Variants in GANC observed in about 807,000 individuals in gnomAD.
GANC encodes glucosidase alpha, neutral C, also known as neutral alpha-glucosidase C.
GANC carries 117 observed loss-of-function variants against 124.2 expected under a neutral mutation model. The observed-to-expected ratio is 0.94, with a 90% CI of 0.81 to 1.10. The LOEUF (loss-of-function observed/expected upper bound fraction) is 1.10. Among genes scored for constraint, GANC ranks in the 50% least tolerant of loss-of-function variants. The probability of loss-of-function intolerance (pLI) is 0.00; values close to 1 mark genes in which losing one functional copy is unlikely to be tolerated. For missense variants in GANC, 1,140 were observed against 1,095.0 expected (o/e 1.04, Z -0.58); for synonymous variants, 377 against 376.8 (o/e 1.00, Z -0.01).
intron 4 of GANC, among the ~76,000 whole-genome samples, chr15:42,291,402 A>G (rs1366188752): frequency 2.6e-5 from 4 of 152,182 alleles, no homozygotes; most frequent in Admixed American, 1.3e-4. Flanking sequence ...ATTCCTTGGC[A>G]TGGTGTAGAG....
chr15:42,343,346 A>C (rs2052341414), intron 19 of GANC, 192 bp downstream of exon 19: 2 of 569,484 alleles, frequency 3.5e-6, no homozygotes, highest in Non-Finnish European at 6.3e-6. Flanking sequence ...AGGGAGAAAG[A>C]TGAATTGGTG....
At chr15:42,317,212 A>G (rs1329765495) in intron 10 of GANC, among the ~76,000 whole-genome samples, 1 of 152,256 alleles carries the variant, frequency 6.6e-6, no homozygotes, top group Non-Finnish European at 1.5e-5. Context: ...TGGTATATAC[A>G]TGTAACAGAA....
At chr15:42,325,546 G>T (rs2052192215) in intron 11 of GANC, among the ~76,000 whole-genome samples, 1 of 152,116 alleles carries the variant, frequency 6.6e-6, no homozygotes, top group African/African-American at 2.4e-5. Flanking sequence ...TTTTTAACAT[G>T]TTATTCTCTT....
chr15:42,321,824 A>G lies in GANC; in HGVS notation c.1097A>G (p.His366Arg). The G allele has an allele frequency of 6.2e-7, 1 of 1,614,206 alleles. No individual in the cohort carries two copies. The highest frequency in any genetic ancestry group is 1.6e-4 in the Middle Eastern group (1 of 6,062). Residue 366 changes from histidine to arginine, a missense_variant, in exon 11 of 24, where the codon CAC becomes CGC. Transcript: ENST00000318010. ...AMPPLFSLGY[H>R]QCRWNYEDEQ... ...CCCCCTCTTTTCTCTTTGGGATACCACCAGTGCCGCTGGAACTATGAAGAT... is the reference window on the plus strand; with the variant it reads ...CCCCCTCTTTTCTCTTTGGGATACCGCCAGTGCCGCTGGAACTATGAAGAT...
intron 20 of GANC, 58 bp from the exon 21 acceptor site, chr15:42,348,045 C>A: frequency 1.0e-6 from 1 of 958,570 alleles, no homozygotes; most frequent in Non-Finnish European, 1.6e-6. Flanking sequence ...TTTTTAAATT[C>A]TACCTTGAAA....
At chr15:42,312,850 G>A (rs113142144) in intron 10 of GANC, among the ~76,000 whole-genome samples, 9,770 of 150,818 alleles carry the variant, frequency 0.065, 407 homozygotes, top group South Asian at 0.17. Flanking sequence ...CAGAAGAATC[G>A]ATTGAACCCA....
At chr15:42,288,075 C>T (rs889394600) in intron 4 of GANC, among the ~76,000 whole-genome samples, 7 of 152,014 alleles carry the variant, frequency 4.6e-5, no homozygotes, top group African/African-American at 9.7e-5. Flanking sequence ...ATTTATTTAA[C>T]GGGGAGAAGC....
intron 10 of GANC, among the ~76,000 whole-genome samples, chr15:42,317,937 G>A (rs77496668): frequency 0.037 from 5,567 of 152,284 alleles, 98 homozygotes; most frequent in African/African-American, 0.042. Flanking sequence ...CCTGCTGAGG[G>A]TTTAGCTCAA....
At chr15:42,295,500 AAC>A (rs1566951674) in intron 5 of GANC, among the ~76,000 whole-genome samples, 2 of 152,144 alleles carry the variant, frequency 1.3e-5, no homozygotes, top group Non-Finnish European at 2.9e-5. Context: ...GAAAATATAA[AAC>A]AATATTTCTG....
At chr15:42,342,996 T>C (rs1249854559) in intron 18 of GANC, 82 bp from the exon 19 acceptor site, 10 of 1,145,952 alleles carry the variant, frequency 8.7e-6, no homozygotes, top group Non-Finnish European at 1.3e-5. Context: ...AACACCATGA[T>C]AGCTAGCACT....
At chr15:42,337,943 C>T (rs2052295877) in intron 15 of GANC, among the ~76,000 whole-genome samples, 2 of 152,060 alleles carry the variant, frequency 1.3e-5, no homozygotes, top group Admixed American at 1.3e-4. Context: ...CACTTGTAAT[C>T]CCAGCTACTT....
At chr15:42,309,361 C>G (rs2141043950) in intron 8 of GANC, among the ~76,000 whole-genome samples, 1 of 152,030 alleles carries the variant, frequency 6.6e-6, no homozygotes, top group Non-Finnish European at 1.5e-5. Context: ...GCACTGTCGC[C>G]CAGGCTGGAG....
At position 42,321,852 on chromosome 15, in the gene GANC, G is replaced by A. The variant is rs1329789579; in HGVS notation, c.1125G>A (p.Glu375=). 1.2e-6 allele frequency: 2 copies of A among 1,614,096 alleles called. No homozygotes were observed. Among genetic ancestry groups the A allele is most frequent in the African/African-American group, 1.3e-5 (1 of 74,928 alleles). ...AGTGCCGCTGGAACTATGAAGATGA[G>A]CAGGATGTAAAAGCAGTGGATGCAG... ...YHQCRWNYED[E]QDVKAVDAGF... Residue 375 remains glutamate (E), a synonymous_variant, in exon 11 of 24, where the codon GAG becomes GAA. Coordinates refer to ENST00000318010, the MANE Select transcript of GANC (RefSeq NM_198141.3).
chr15:42,291,831 T>C (rs1741531617), intron 4 of GANC, among the ~76,000 whole-genome samples: 1 of 152,156 alleles, frequency 6.6e-6, no homozygotes, highest in Non-Finnish European at 1.5e-5. Flanking sequence ...TCCTACTTAA[T>C]GGAATCATCA....
chr15:42,338,498 G>A lies in GANC; in HGVS notation c.1843+8G>A, dbSNP rs2052302089. On this transcript the variant is annotated splice_region_variant and intron_variant, in intron 16 of 23. Coordinates refer to ENST00000318010, the MANE Select transcript of GANC (RefSeq NM_198141.3). ...GGATCTCTTTTTGCGGAGGTAAGATGAGTCCTTTGAGGCTTGAAGTGCAAG... is the reference window on the plus strand; with the variant it reads ...GGATCTCTTTTTGCGGAGGTAAGATAAGTCCTTTGAGGCTTGAAGTGCAAG... 6.4e-7 allele frequency: 1 copy of A among 1,571,750 alleles called. No individual in the cohort carries two copies. The highest frequency in any genetic ancestry group is 8.8e-7 in the Non-Finnish European group (1 of 1,141,600).
At chr15:42,292,661 C>T in intron 4 of GANC, 74 bp from the exon 5 acceptor site, 1 of 1,379,214 alleles carries the variant, frequency 7.3e-7, no homozygotes, top group Non-Finnish European at 1.0e-6. Context: ...TAATTAATTA[C>T]TTGGAAGTAC....
chr15:42,273,614 C>G lies in GANC; in HGVS notation c.-868C>G. On this transcript the variant is annotated 5_prime_UTR_variant, in exon 1 of 24. Coordinates refer to ENST00000318010, the MANE Select transcript of GANC (RefSeq NM_198141.3). ...AGGCGTCATCCTGTTGGAACCTGGT[C>G]AGCTGGGTTAGAGAGATCGCTACAT... The G allele has an allele frequency of 5.4e-6, 4 of 737,128 alleles. No homozygotes were observed. The highest frequency in any genetic ancestry group is 8.6e-6 in the Non-Finnish European group (4 of 466,068). 45.7% of individuals were successfully genotyped at this position (737,128 alleles called of 1,614,324 possible). A position where few individuals can be genotyped will look rare whatever the true frequency, so the allele number is the denominator to read the frequency against.
intron 10 of GANC, among the ~76,000 whole-genome samples, chr15:42,319,044 A>G (rs546876553): frequency 9.2e-5 from 14 of 151,914 alleles, no homozygotes; most frequent in African/African-American, 3.1e-4. Flanking sequence ...TACGGATTTT[A>G]TAATCTCCTT....
At position 42,292,811 on chromosome 15, in the gene GANC, G is replaced by A. The variant is rs201479600; in HGVS notation, c.406G>A (p.Ala136Thr). 300 of 1,614,138 alleles carry A rather than the reference G, an allele frequency of 1.9e-4. No homozygotes were observed. The highest frequency in any genetic ancestry group is 2.4e-4 in the Non-Finnish European group (280 of 1,180,002). Residue 136 changes from alanine to threonine, a missense_variant, in exon 5 of 24, where the codon GCA becomes ACA. Ala to Thr is a moderately conservative substitution (Grantham distance 58). Transcript: ENST00000318010. ...AGGAGACCTGAAGTGCCATATCACAGCAAACCCATTCAAGGTAGACTTGGT... is the reference window on the plus strand; with the variant it reads ...AGGAGACCTGAAGTGCCATATCACAACAAACCCATTCAAGGTAGACTTGGT... ...GKGDLKCHITANPFKVDLVSE... is the reference protein window; with the variant it reads ...GKGDLKCHITTNPFKVDLVSE...
Sources: gnomAD v4.1 joint callset for allele counts (sites outside exome capture counted in the v4.1 genomes callset) on GRCh38, gnomAD v4.1.1 for gene constraint, MANE v1.5 for transcripts, NCBI Gene and HGNC (gene_info 2026-07-23, HGNC 2026-07-21) for gene names.